Variants in HPCAL1 observed in about 807,000 individuals in gnomAD.
HPCAL1 encodes hippocalcin-like protein 1.
In HPCAL1, 8 loss-of-function variants were observed where a neutral mutation model predicts 17.1. That is an observed-to-expected ratio of 0.47 (90% CI 0.27 to 0.84). The LOEUF (loss-of-function observed/expected upper bound fraction) is 0.84, where lower values mean the gene tolerates loss of function less well. Ranked by LOEUF, HPCAL1 falls within the 40% of genes least tolerant of loss-of-function variation. The pLI, the probability that HPCAL1 is intolerant of heterozygous loss-of-function variation, is 0.13. For missense variants in HPCAL1, 165 were observed against 271.1 expected (o/e 0.61, Z 2.75); for synonymous variants, 112 against 111.4 (o/e 1.01, Z -0.03).
Position 10,344,339 on chromosome 2 carries a change from G to A in HPCAL1, c.-111+41162G>A, listed in dbSNP as rs778960280. 9.9e-5 allele frequency among the ~76,000 whole-genome samples: 15 copies of A among 152,178 alleles called. No homozygotes were observed. The highest frequency in any genetic ancestry group is 2.9e-5 in the Non-Finnish European group (2 of 68,038). ...CCAGATCCCATCCCTGCCTGAGCAGGCCATGTGCCAGCAAGGGGGGCCCCG... is the reference window on the plus strand; with the variant it reads ...CCAGATCCCATCCCTGCCTGAGCAGACCATGTGCCAGCAAGGGGGGCCCCG... On this transcript the variant is annotated intron_variant, in intron 1 of 4. Coordinates refer to ENST00000307845, the MANE Select transcript of HPCAL1 (RefSeq NM_002149.4). This position sits in a 1 kb window ranked among gnomAD's most constrained non-coding sequence, Gnocchi z 4.9.
At chr2:10,366,141 C>T (rs537540829) in intron 1 of HPCAL1, among the ~76,000 whole-genome samples, 3 of 152,336 alleles carry the variant, frequency 2.0e-5, no homozygotes, top group Non-Finnish European at 2.9e-5. Flanking sequence ...GAGCTGGCCT[C>T]TCAGCACAGC....
At chr2:10,335,360 T>C (rs966324531) in intron 1 of HPCAL1, among the ~76,000 whole-genome samples, 2 of 152,034 alleles carry the variant, frequency 1.3e-5, no homozygotes, top group Admixed American at 6.6e-5. Context: ...CAGGCCTAGG[T>C]GACAAGGGAC....
At chr2:10,334,703 T>TTTTTTTTTTTTTTTGG (rs1664607934) in intron 1 of HPCAL1, among the ~76,000 whole-genome samples, 1 of 151,378 alleles carries the variant, frequency 6.6e-6, no homozygotes, top group Non-Finnish European at 1.5e-5. Flanking sequence ...GACTTTTTTT[T>TTTTTTTTTTTTTTTGG]GAGGCAGGGT....
chr2:10,417,624 C>T (rs932475894), intron 2 of HPCAL1, among the ~76,000 whole-genome samples: 4 of 152,150 alleles, frequency 2.6e-5, no homozygotes, highest in African/African-American at 9.7e-5. Context: ...TTACAGACCA[C>T]GTAGGCAATG....
In HPCAL1 at chr2:10,347,154, C is replaced by T. The variant is rs560733642; in HGVS notation, c.-111+43977C>T. ...AGTTCAGCCTGACACACAGGCCGGC[C>T]TCAGTGAGAGGGAGTGTCTGCCTCC... On this transcript the variant is annotated intron_variant, in intron 1 of 4. Transcript: ENST00000307845. Among the ~76,000 whole-genome samples the T allele has an allele frequency of 7.2e-5, 11 of 152,234 alleles. No homozygotes were observed. The South Asian group carries it at 2.1e-3, about 29-fold the overall frequency.
chr2:10,384,499 G>T lies in HPCAL1; in HGVS notation c.-110-12336G>T, dbSNP rs1028415234. On this transcript the variant is annotated intron_variant, in intron 1 of 4. Coordinates refer to ENST00000307845, the MANE Select transcript of HPCAL1 (RefSeq NM_002149.4). This position sits in a 1 kb window ranked among gnomAD's most constrained non-coding sequence, Gnocchi z 4.4. The stretch of plus-strand genomic sequence containing the variant: ...TTGCTTGGTGCACGGTGCTGTGCTG[G>T]GCACTGGGGCAAGGCCCCCTCCCCC... 2.6e-5 allele frequency among the ~76,000 whole-genome samples: 4 copies of T among 152,118 alleles called. No homozygotes were observed. The highest frequency in any genetic ancestry group is 5.9e-5 in the Non-Finnish European group (4 of 68,022).
chr2:10,418,140 G>C (rs553258865), intron 2 of HPCAL1, among the ~76,000 whole-genome samples: 51 of 152,172 alleles, frequency 3.4e-4, no homozygotes, highest in African/African-American at 1.2e-3. Flanking sequence ...GGATGGGCTG[G>C]GCGTGGTGGC....
At chr2:10,382,570 T>C in intron 1 of HPCAL1, among the ~76,000 whole-genome samples, 1 of 131,918 alleles carries the variant, frequency 7.6e-6, no homozygotes, top group African/African-American at 3.0e-5. Context: ...ACTAAACAGC[T>C]CTAAAAAATA....
Position 10,419,811 on chromosome 2 carries a change from G to A in HPCAL1, c.54G>A (p.Glu18=). ...LRPEVLQDLR[E]NTEFTDHELQ... ...CCGAGGTGCTGCAGGACCTGCGGGA[G>A]AACACGGAGTTCACCGACCACGAGC... Residue 18 remains glutamate (E), a synonymous_variant, in exon 3 of 5, where the codon GAG becomes GAA. Transcript: ENST00000307845. The surrounding 1 kb of genome is among the most constrained non-coding windows in gnomAD (Gnocchi z 5.0). The A allele has an allele frequency of 6.2e-7, 1 of 1,613,696 alleles. No individual in the cohort carries two copies. Among genetic ancestry groups the A allele is most frequent in the South Asian group, 1.1e-5 (1 of 91,082 alleles).
At chr2:10,350,549 C>T (rs80139016) in intron 1 of HPCAL1, among the ~76,000 whole-genome samples, 55,390 of 151,870 alleles carry the variant, frequency 0.36, 10,565 homozygotes, top group South Asian at 0.6. Flanking sequence ...TGGGCTCAAG[C>T]GATCCATCTG....
At chr2:10,305,522 G>A (rs945947538) in intron 1 of HPCAL1, among the ~76,000 whole-genome samples, 6 of 152,182 alleles carry the variant, frequency 3.9e-5, no homozygotes, top group Non-Finnish European at 7.3e-5. Context: ...CTCCCTCTGC[G>A]TCCCACTTTC....
chr2:10,390,221 T>C (rs1327460749), intron 1 of HPCAL1, among the ~76,000 whole-genome samples: 1 of 152,190 alleles, frequency 6.6e-6, no homozygotes, highest in East Asian at 1.9e-4. Context: ...GATGGTCTCA[T>C]GTGGACATCT....
chr2:10,348,045 T>C (rs1001530549), intron 1 of HPCAL1, among the ~76,000 whole-genome samples: 2 of 152,140 alleles, frequency 1.3e-5, no homozygotes, highest in Non-Finnish European at 2.9e-5. Context: ...ATGGTGGGGA[T>C]ATAAAAGCAA....
intron 1 of HPCAL1, among the ~76,000 whole-genome samples, chr2:10,308,680 A>G (rs901652609): frequency 7.9e-5 from 12 of 152,092 alleles, no homozygotes; most frequent in East Asian, 3.9e-4. Flanking sequence ...ACTGGCACCT[A>G]CAGAATACCC....
rs907983582 is a variant in HPCAL1 at position 10,394,052 on chromosome 2, C to A, written c.-110-2783C>A. ...ATTGCTTGAGCCTGGGAGGTTGAGG[C>A]TGCAGTGAGCTTTGATTGTGCCACT... On this transcript the variant is annotated intron_variant, in intron 1 of 4. Coordinates refer to ENST00000307845, the MANE Select transcript of HPCAL1 (RefSeq NM_002149.4). This position sits in a 1 kb window ranked among gnomAD's most constrained non-coding sequence, Gnocchi z 5.0. Among the ~76,000 whole-genome samples, 2 of 151,750 alleles carry A rather than the reference C, an allele frequency of 1.3e-5. No individual in the cohort carries two copies. Among genetic ancestry groups the A allele is most frequent in the Non-Finnish European group, 1.5e-5 (1 of 67,988 alleles).
chr2:10,385,509 G>A (rs945073529), intron 1 of HPCAL1, among the ~76,000 whole-genome samples: 15 of 152,172 alleles, frequency 9.9e-5, no homozygotes, highest in Admixed American at 4.6e-4. Context: ...CTCGGAGGCC[G>A]GGCTGGGCTG....
At position 10,399,229 on chromosome 2, in the gene HPCAL1, C is replaced by CCAT. The variant is rs1361781422; in HGVS notation, c.-25+2311_-25+2312insTCA. ...CACTGCACCACCACCACCACCACCA[C>CCAT]CACCACCACCATCACCACCACCACC... On this transcript the variant is annotated intron_variant, in intron 2 of 4. Coordinates refer to ENST00000307845, the MANE Select transcript of HPCAL1 (RefSeq NM_002149.4). Among the ~76,000 whole-genome samples the CCAT allele has an allele frequency of 3.4e-4, 16 of 46,704 alleles. 1 individual carries two copies. The highest frequency in any genetic ancestry group is 2.1e-3 in the East Asian group (4 of 1,878). 30.6% of individuals were successfully genotyped at this position (46,704 alleles called of 152,430 possible).
At chr2:10,389,463 G>GCT (rs1441728661) in intron 1 of HPCAL1, among the ~76,000 whole-genome samples, 1 of 152,238 alleles carries the variant, frequency 6.6e-6, no homozygotes, top group East Asian at 1.9e-4. Flanking sequence ...CAGTTTGGGG[G>GCT]CTCACCTGCC....
At chr2:10,333,633 T>C (rs913154729) in intron 1 of HPCAL1, among the ~76,000 whole-genome samples, 1 of 152,202 alleles carries the variant, frequency 6.6e-6, no homozygotes, top group Admixed American at 6.5e-5. Context: ...TGAGTTTGAT[T>C]TGATTTTTGA....
Sources: gnomAD v4.1 joint callset for allele counts (sites outside exome capture counted in the v4.1 genomes callset) on GRCh38, gnomAD v4.1.1 for gene constraint, Gnocchi (gnomAD v3.1) non-coding constraint, MANE v1.5 for transcripts, NCBI Gene and HGNC (gene_info 2026-07-23, HGNC 2026-07-21) for gene names.